Variants in CACNA1C observed in about 807,000 individuals in gnomAD.
CACNA1C encodes calcium voltage-gated channel subunit alpha1 C.
Under a neutral mutation model 229.0 loss-of-function variants are expected in CACNA1C, and 30 were observed. The ratio of observed to expected loss-of-function variants is 0.13; its 90% CI spans 0.10 to 0.18. The LOEUF is 0.18. Among genes scored for constraint, CACNA1C ranks in the 10% least tolerant of loss-of-function variants. The pLI is 1.00. For synonymous variants in CACNA1C, 1,114 were observed against 1,132.5 expected (o/e 0.98, Z 0.33); for missense variants, 1,658 against 2,845.0 (o/e 0.58, Z 9.49).
chr12:2,499,560 T>C (rs2099754293), intron 7 of CACNA1C, among the ~76,000 whole-genome samples: 1 of 152,180 alleles, frequency 6.6e-6, no homozygotes. Flanking sequence ...CTTCAAGGAA[T>C]TAGATGCTGG....
chr12:2,539,151 G>A (rs931133357), intron 9 of CACNA1C, among the ~76,000 whole-genome samples: 5 of 152,240 alleles, frequency 3.3e-5, no homozygotes, highest in South Asian at 2.1e-4. Flanking sequence ...TGCCGTAGGG[G>A]TATGTCGGTC....
At chr12:2,250,882 T>C (rs2075348201) in intron 3 of CACNA1C, among the ~76,000 whole-genome samples, 1 of 152,226 alleles carries the variant, frequency 6.6e-6, no homozygotes, top group African/African-American at 2.4e-5. Context: ...GAAGCTGTCC[T>C]CTCCCTAACC....
intron 30 of CACNA1C, among the ~76,000 whole-genome samples, chr12:2,643,911 C>G (rs2094034076): frequency 1.3e-5 from 2 of 152,206 alleles, no homozygotes; most frequent in Non-Finnish European, 2.9e-5. Flanking sequence ...ATGACACCCC[C>G]CAACAGAACC....
At chr12:2,230,150 C>T (rs1439348493) in intron 3 of CACNA1C, among the ~76,000 whole-genome samples, 1 of 152,146 alleles carries the variant, frequency 6.6e-6, no homozygotes, top group African/African-American at 2.4e-5. Context: ...ATGTCCCCTC[C>T]CGGGGCTGCG....
Position 2,595,835 on chromosome 12 carries a change from C to T in CACNA1C, c.2664-39C>T. On this transcript the variant is annotated intron_variant, in intron 19 of 46. Transcript: ENST00000399655. This position sits in a 1 kb window ranked among gnomAD's most constrained non-coding sequence, Gnocchi z 4.1. ...GCCGACTGGTGCTTCCCCTTGTCTG[C>T]CTTGACTTGTCTCTCCTCCTGTCCC... is the stretch of plus-strand genomic sequence containing the variant. The T allele has an allele frequency of 1.2e-6, 2 of 1,603,748 alleles. No individual in the cohort carries two copies. The highest frequency in any genetic ancestry group is 1.1e-5 in the South Asian group (1 of 89,906).
chr12:2,638,092 G>C (rs1424152686), intron 30 of CACNA1C, among the ~76,000 whole-genome samples: 1 of 152,180 alleles, frequency 6.6e-6, no homozygotes, highest in Non-Finnish European at 1.5e-5. Context: ...AAAAGCCCCT[G>C]CCTTCACAGA....
chr12:2,333,540 G>A (rs190090364), intron 3 of CACNA1C, among the ~76,000 whole-genome samples: 2 of 152,360 alleles, frequency 1.3e-5, no homozygotes, highest in African/African-American at 4.8e-5. Context: ...CTGTATGCCT[G>A]TGCATAGGAA....
chr12:2,357,787 A>G (rs888650336), intron 3 of CACNA1C, among the ~76,000 whole-genome samples: 1 of 151,836 alleles, frequency 6.6e-6, no homozygotes, highest in African/African-American at 2.4e-5. Flanking sequence ...CCTGGCCAAC[A>G]TGCGGAAACC....
chr12:2,111,025 G>A (rs946939859), intron 1 of CACNA1C, among the ~76,000 whole-genome samples: 4 of 89,968 alleles, frequency 4.4e-5, no homozygotes, highest in Admixed American at 1.3e-4. Flanking sequence ...TCTCACCTGT[G>A]TGCGGCTCTG....
chr12:2,350,338 C>T (rs1303680325), intron 3 of CACNA1C, among the ~76,000 whole-genome samples: 2 of 152,182 alleles, frequency 1.3e-5, no homozygotes, highest in African/African-American at 4.8e-5. Context: ...TACTTCCTAG[C>T]AGCCTTGTTA....
chr12:1,975,321 C>T (rs1242758178), intron 1 of CACNA1C, among the ~76,000 whole-genome samples: 3 of 151,884 alleles, frequency 2.0e-5, no homozygotes, highest in East Asian at 3.9e-4. Context: ...TTTCCTTCTT[C>T]AAAACCCATA....
chr12:2,358,860 C>T (rs563534093), intron 3 of CACNA1C, among the ~76,000 whole-genome samples: 1 of 152,250 alleles, frequency 6.6e-6, no homozygotes, highest in East Asian at 1.9e-4. Flanking sequence ...GCCCCCGAGA[C>T]TGGGAAGGCA....
At chr12:2,472,065 T>C (rs1056565773) in intron 5 of CACNA1C, among the ~76,000 whole-genome samples, 2 of 152,254 alleles carry the variant, frequency 1.3e-5, no homozygotes, top group Non-Finnish European at 2.9e-5. Context: ...TTTCAGCAGT[T>C]TGACTATGAT....
At chr12:1,993,660 AC>A (rs1434843362) in intron 1 of CACNA1C, among the ~76,000 whole-genome samples, 1 of 81,854 alleles carries the variant, frequency 1.2e-5, no homozygotes, top group Non-Finnish European at 2.5e-5. Context: ...GTGTGTGTAT[AC>A]AGATGTTGTT....
intron 3 of CACNA1C, among the ~76,000 whole-genome samples, chr12:2,195,749 A>G (rs1161507103): frequency 6.6e-6 from 1 of 152,206 alleles, no homozygotes; most frequent in Non-Finnish European, 1.5e-5. Flanking sequence ...TGCACCTGGA[A>G]TTCGACAGTG....
chr12:2,520,665 CCGTGTGCTT>C (rs1400920664), intron 9 of CACNA1C, among the ~76,000 whole-genome samples: 3 of 120,874 alleles, frequency 2.5e-5, no homozygotes, highest in African/African-American at 3.9e-5. Context: ...TGACCAATGG[CCGTGTGCTT>C]CAGAGGAGGG....
chr12:2,441,290 G>A (rs2099223204), intron 3 of CACNA1C, among the ~76,000 whole-genome samples: 1 of 152,178 alleles, frequency 6.6e-6, no homozygotes, highest in Admixed American at 6.5e-5. Flanking sequence ...GCACAGGTGG[G>A]TGAGCATCCC....
chr12:2,506,062 A>C (rs1398965634), intron 8 of CACNA1C, among the ~76,000 whole-genome samples: 1 of 152,182 alleles, frequency 6.6e-6, no homozygotes, highest in Non-Finnish European at 1.5e-5. Context: ...CTTGGCCTTC[A>C]GAGCTGCGTA....
At chr12:2,340,996 C>T (rs1166932886) in intron 3 of CACNA1C, among the ~76,000 whole-genome samples, 1 of 152,012 alleles carries the variant, frequency 6.6e-6, no homozygotes, top group African/African-American at 2.4e-5. Flanking sequence ...TAATGAAATA[C>T]AGCGATACGG....
Sources: gnomAD v4.1 joint callset for allele counts (sites outside exome capture counted in the v4.1 genomes callset) on GRCh38, gnomAD v4.1.1 for gene constraint, Gnocchi (gnomAD v3.1) non-coding constraint, MANE v1.5 for transcripts, NCBI Gene and HGNC (gene_info 2026-07-23, HGNC 2026-07-21) for gene names.